The following ESPN variants were observed in gnomAD, a reference collection of about 807,000 sequenced individuals.
ESPN encodes espin.
Under a neutral mutation model 77.7 loss-of-function variants are expected in ESPN, and 68 were observed. That is an observed-to-expected ratio of 0.87 (90% CI 0.72 to 1.07). The LOEUF is 1.07. Ranked by LOEUF, ESPN falls within the 50% of genes least tolerant of loss-of-function variation. The pLI is 0.00. For synonymous variants in ESPN, 449 were observed against 567.1 expected, an observed-to-expected ratio of 0.79 and a Z score of 2.96; for missense variants, 1,060 against 1,239.0, an observed-to-expected ratio of 0.86 and a Z score of 2.17.
At chr1:6,449,160 G>A in intron 8 of ESPN, 69 bp downstream of exon 8, 3 of 1,375,090 alleles carry the variant, frequency 2.2e-6, no homozygotes, top group African/African-American at 1.5e-5. Flanking sequence ...TCTAGACACC[G>A]CCCCCTCCCC....
intron 7 of ESPN, chr1:6,446,873 A>C (rs1024516575): frequency 1.3e-5 from 2 of 152,252 alleles, no homozygotes; most frequent in African/African-American, 4.8e-5. Context: ...TCGGGTCACA[A>C]GGCCACTGGG....
At chr1:6,444,984 A>G (rs1452644832) in intron 6 of ESPN, among the ~76,000 whole-genome samples, 6 of 152,318 alleles carry the variant, frequency 3.9e-5, no homozygotes, top group African/African-American at 1.4e-4. Flanking sequence ...ACACTTGTAC[A>G]TGTGTACATA....
chr1:6,458,066 A>G (rs1171743067), intron 12 of ESPN, among the ~76,000 whole-genome samples: 8 of 151,726 alleles, frequency 5.3e-5, no homozygotes, highest in South Asian at 2.1e-4. Context: ...TTGTCACCCA[A>G]TCTGGAGTGC....
At position 6,460,072 on chromosome 1, in the gene ESPN, G is replaced by A. The variant is rs757896557; in HGVS notation, c.2491G>A (p.Gly831Ser). 32 of 1,613,378 alleles carry A rather than the reference G, an allele frequency of 2.0e-5. No individual in the cohort carries two copies. Among genetic ancestry groups the A allele is most frequent in the South Asian group, 1.1e-5 (1 of 91,068 alleles). ...ACAGTCAGAGAAGCTGCGGACGCTG[G>A]GCTACGATGAGAGCAAGCTGGCGCC... Reference protein sequence around the residue: ...KEQSEKLRTLGYDESKLAPWQ... With the variant: ...KEQSEKLRTLSYDESKLAPWQ... Residue 831 changes from glycine to serine, a missense_variant, in exon 13 of 13, where the codon GGC (glycine) becomes AGC (serine). This residue lies in a region of ESPN where 374 missense variants were observed against 381.4 expected (regional missense o/e 0.98). Coordinates refer to ENST00000645284, the MANE Select transcript of ESPN (RefSeq NM_031475.3).
In ESPN at chr1:6,440,929, C is replaced by T; in HGVS notation, c.859-5C>T. The T allele has an allele frequency of 1.9e-6, 3 of 1,569,208 alleles. No individual in the cohort carries two copies. Among genetic ancestry groups the T allele is most frequent in the Non-Finnish European group, 2.6e-6 (3 of 1,158,718 alleles). On this transcript the variant is annotated splice_polypyrimidine_tract_variant and splice_region_variant and intron_variant, in intron 4 of 12. Coordinates refer to ENST00000645284, the MANE Select transcript of ESPN (RefSeq NM_031475.3). ...CGGCCGGGTCCTCACTGCGTGCCCC[C>T]GCAGTGCTGCCAGATCCTGGTAGTG...
At position 6,460,565 on chromosome 1, in the gene ESPN, G is replaced by C; in HGVS notation, c.*419G>C. ...GCGTCGCTGGCGCATCCTGGGTGGA[G>C]GCAGGCCCCGAGCTCGGGGAAGGGG... is the stretch of plus-strand genomic sequence containing the variant. On this transcript the variant is annotated 3_prime_UTR_variant, in exon 13 of 13. Transcript: ENST00000645284. 1 of 176,856 alleles carries C rather than the reference G, an allele frequency of 5.7e-6. No homozygotes were observed. Among genetic ancestry groups the C allele is most frequent in the Non-Finnish European group, 1.2e-5 (1 of 82,918 alleles). The allele number at this position is 176,856 out of a possible 1,614,324, so 11.0% of individuals were successfully genotyped here.
In ESPN at chr1:6,450,399, C is replaced by A. The variant is rs544788189; in HGVS notation, c.1916-1204C>A. The A allele has an allele frequency of 3.2e-5, 29 of 912,108 alleles. No homozygotes were observed. The highest frequency in any genetic ancestry group is 3.5e-5 in the Non-Finnish European group (27 of 762,602). The allele number at this position is 912,108 out of a possible 1,614,324, so 56.5% of individuals were successfully genotyped here. A position where few individuals can be genotyped will look rare whatever the true frequency, so the allele number is the denominator to read the frequency against. Reference sequence around the variant, plus strand: ...GCTGTCCCAGTCTCATCCTGCCCCCCCTCCCTCCTAACTCCGCTGTCACTT... The same window carrying A: ...GCTGTCCCAGTCTCATCCTGCCCCCACTCCCTCCTAACTCCGCTGTCACTT... On this transcript the variant is annotated intron_variant, in intron 8 of 12. Transcript: ENST00000645284. The surrounding 1 kb of genome is among the most constrained non-coding windows in gnomAD (Gnocchi z 4.3).
chr1:6,441,551 A>G (rs1380510269), intron 5 of ESPN, among the ~76,000 whole-genome samples: 1 of 152,204 alleles, frequency 6.6e-6, no homozygotes, highest in East Asian at 1.9e-4. Flanking sequence ...TGCTGACTTC[A>G]TGGCTGGGTC....
chr1:6,444,578 T>G lies in ESPN; in HGVS notation c.1088T>G (p.Val363Gly). The G allele has an allele frequency of 6.2e-7, 1 of 1,614,172 alleles. No homozygotes were observed. Among genetic ancestry groups the G allele is most frequent in the Non-Finnish European group, 8.5e-7 (1 of 1,180,022 alleles). Reference sequence around the variant, plus strand: ...TCCTCACCCAATACCACGGTGTCGGTCCAGCCGCTGAACTTTGACCTCAGC... The same window carrying G: ...TCCTCACCCAATACCACGGTGTCGGGCCAGCCGCTGAACTTTGACCTCAGC... Reference protein sequence around the residue: ...GMSSPNTTVSVQPLNFDLSSP... With the variant: ...GMSSPNTTVSGQPLNFDLSSP... The change falls in exon 6 of 13, where the codon GTC becomes GGC. Residue 363 changes from valine (V) to glycine (G), a missense_variant. By Grantham distance (109) the Val-to-Gly change is moderately radical (BLOSUM62 -3). Coordinates refer to ENST00000645284, the MANE Select transcript of ESPN (RefSeq NM_031475.3).
At chr1:6,434,204 C>T (rs1643351144) in intron 2 of ESPN, among the ~76,000 whole-genome samples, 1 of 152,150 alleles carries the variant, frequency 6.6e-6, no homozygotes, top group African/African-American at 2.4e-5. Flanking sequence ...CACCTGGCCT[C>T]CCAGCTGCCC....
At chr1:6,432,132 G>A (rs1241538079) in intron 2 of ESPN, among the ~76,000 whole-genome samples, 3 of 152,148 alleles carry the variant, frequency 2.0e-5, no homozygotes, top group Non-Finnish European at 4.4e-5. Context: ...CTGCTCCCAC[G>A]GCCCAGGGGT....
At chr1:6,444,855 C>T (rs1643769848) in intron 6 of ESPN, among the ~76,000 whole-genome samples, 173 bp downstream of exon 6, 1 of 152,212 alleles carries the variant, frequency 6.6e-6, no homozygotes, top group Non-Finnish European at 1.5e-5. Context: ...AGATGTCACT[C>T]ATACTTGTGT....
Position 6,452,109 on chromosome 1 carries a change from G to C in ESPN, c.2325+13G>C. On this transcript the variant is annotated intron_variant, in intron 10 of 12. Coordinates refer to ENST00000645284, the MANE Select transcript of ESPN (RefSeq NM_031475.3). ...GCAGAGGCGGAAGGTGGGTGGGGCG[G>C]GGTGCCCAGGGAGCCCTGGGGTCTG... is the stretch of plus-strand genomic sequence containing the variant. The C allele has an allele frequency of 6.5e-7, 1 of 1,530,966 alleles. No homozygotes were observed. The highest frequency in any genetic ancestry group is 8.8e-7 in the Non-Finnish European group (1 of 1,139,898). 94.8% of individuals were successfully genotyped at this position (1,530,966 alleles called of 1,614,324 possible). A position where few individuals can be genotyped will look rare whatever the true frequency, so the allele number is the denominator to read the frequency against.
Position 6,450,493 on chromosome 1 carries a change from CCT to C in ESPN, c.1916-1109_1916-1108del. On this transcript the variant is annotated intron_variant, in intron 8 of 12. Transcript: ENST00000645284. The surrounding 1 kb of genome is among the most constrained non-coding windows in gnomAD (Gnocchi z 4.3). ...AGAGTGAGTAGCTGCGTGCGCGGCT[CCT>C]GGCTGAGGCTGAGGCGCGGGGTGGG... 2.1e-6 allele frequency: 2 copies of C among 969,014 alleles called. No individual in the cohort carries two copies. Among genetic ancestry groups the C allele is most frequent in the Non-Finnish European group, 2.5e-6 (2 of 814,586 alleles). 60.0% of individuals were successfully genotyped at this position (969,014 alleles called of 1,614,324 possible). A position where few individuals can be genotyped will look rare whatever the true frequency, so the allele number is the denominator to read the frequency against.
At chr1:6,429,074 AG>A in intron 2 of ESPN, among the ~76,000 whole-genome samples, 1 of 78,952 alleles carries the variant, frequency 1.3e-5, no homozygotes, top group Non-Finnish European at 2.8e-5. Flanking sequence ...CACACAGAGC[AG>A]GGGGCATGTG....
chr1:6,431,663 G>A lies in ESPN; in HGVS notation c.488+3244G>A, dbSNP rs1410201209. 2.8e-4 allele frequency among the ~76,000 whole-genome samples: 40 copies of A among 144,350 alleles called. No homozygotes were observed. In the South Asian group the frequency reaches 7.6e-3, roughly 28 times the overall value. The allele number at this position is 144,350 out of a possible 152,430, so 94.7% of individuals were successfully genotyped here. On this transcript the variant is annotated intron_variant, in intron 2 of 12. Coordinates refer to ENST00000645284, the MANE Select transcript of ESPN (RefSeq NM_031475.3). ...AAAAAAAAAAAAAAAAGGAACGAAC[G>A]AAAGAAAGGAAGAAAGGAAGGAAAG...
intron 10 of ESPN, chr1:6,456,339 G>A (rs1644057767): frequency 2.6e-6 from 1 of 386,374 alleles, no homozygotes; most frequent in East Asian, 3.7e-5. Context: ...CCAGGACCAG[G>A]CTGCCTCAGC....
In ESPN at chr1:6,441,203, C is replaced by T. The variant is rs375428504; in HGVS notation, c.990+138C>T. ...CCCGCTACCCCACACGACCTCTCAG[C>T]CCAGAACCACTGCCTACTGGGGACT... On this transcript the variant is annotated intron_variant, in intron 5 of 12. Coordinates refer to ENST00000645284, the MANE Select transcript of ESPN (RefSeq NM_031475.3). The T allele has an allele frequency of 4.9e-6, 6 of 1,220,352 alleles. No individual in the cohort carries two copies. In the African/African-American group the frequency reaches 9.0e-5, roughly 18 times the overall value. 75.6% of individuals were successfully genotyped at this position (1,220,352 alleles called of 1,614,324 possible).
intron 10 of ESPN, among the ~76,000 whole-genome samples, chr1:6,452,897 A>ATTTATTT (rs1553169573): frequency 1.2e-4 from 16 of 138,808 alleles, no homozygotes; most frequent in African/African-American, 4.8e-4. Flanking sequence ...ATTTATTTTT[A>ATTTATTT]TTTTTTATTT....
Sources: allele counts gnomAD v4.1 joint callset (sites outside exome capture counted in the v4.1 genomes callset), GRCh38; gene constraint gnomAD v4.1.1; regional missense constraint gnomAD v4.1.1; non-coding constraint Gnocchi (gnomAD v3.1); transcripts MANE v1.5; gene names NCBI Gene and HGNC (gene_info 2026-07-23, HGNC 2026-07-21).